Variants in BAAT observed in about 807,000 individuals in gnomAD.
BAAT encodes the protein bile acid-CoA:amino acid N-acyltransferase, also known as bile acid CoA: amino acid N-acyltransferase (glycine N-choloyltransferase).
BAAT carries 13 observed loss-of-function variants against 18.9 expected under a neutral mutation model. The observed-to-expected ratio is 0.69, with a 90% CI of 0.45 to 1.10. The LOEUF (loss-of-function observed/expected upper bound fraction) is 1.10. BAAT is among the 50% of genes least tolerant of loss of function. The pLI is 0.00. For synonymous variants in BAAT, 170 were observed against 190.7 expected (o/e 0.89, Z 0.89); for missense variants, 489 against 504.0 (o/e 0.97, Z 0.28).
chr9:101,376,639 A>C (rs1280014407), intron 1 of BAAT: 3 of 152,280 alleles, frequency 2.0e-5, no homozygotes, highest in Non-Finnish European at 2.9e-5. Context: ...TCAGCAGAGA[A>C]GGCCACAGTT....
intron 1 of BAAT, among the ~76,000 whole-genome samples, chr9:101,374,189 C>T (rs987259095): frequency 7.2e-5 from 11 of 152,112 alleles, no homozygotes; most frequent in Non-Finnish European, 1.6e-4. Flanking sequence ...TACACATGAC[C>T]TAAGTTTTGA....
chr9:101,383,708 G>A (rs1007072777), intron 1 of BAAT, among the ~76,000 whole-genome samples: 10 of 151,922 alleles, frequency 6.6e-5, no homozygotes, highest in Non-Finnish European at 1.3e-4. Context: ...CTCTAAATCC[G>A]TCCCTCTTAG....
At chr9:101,383,012 T>C (rs1478711750) in intron 1 of BAAT, among the ~76,000 whole-genome samples, 5 of 152,190 alleles carry the variant, frequency 3.3e-5, no homozygotes, top group African/African-American at 4.8e-5. Context: ...TAGTCTTACA[T>C]TAAAAGAAAA....
At chr9:101,368,738 G>C (rs1470041635) in intron 2 of BAAT, among the ~76,000 whole-genome samples, 1 of 152,032 alleles carries the variant, frequency 6.6e-6, no homozygotes, top group Non-Finnish European at 1.5e-5. Context: ...AACCTATAAA[G>C]AAGTATACAA....
intron 1 of BAAT, among the ~76,000 whole-genome samples, chr9:101,377,751 C>G (rs1319373113): frequency 6.6e-6 from 1 of 152,066 alleles, no homozygotes; most frequent in East Asian, 1.9e-4. Context: ...GAAGTTCTAG[C>G]CAGGGCAATA....
intron 3 of BAAT, among the ~76,000 whole-genome samples, chr9:101,365,652 T>C (rs1392837069): frequency 5.3e-5 from 8 of 152,188 alleles, no homozygotes; most frequent in Middle Eastern, 6.8e-3. Flanking sequence ...TTCTCTGGCC[T>C]CAGCCTCCCG....
chr9:101,381,927 G>A (rs1393486410), intron 1 of BAAT, among the ~76,000 whole-genome samples: 1 of 152,130 alleles, frequency 6.6e-6, no homozygotes, highest in Non-Finnish European at 1.5e-5. Context: ...AGTCAGAAAT[G>A]GAATCTACAT....
intron 1 of BAAT, among the ~76,000 whole-genome samples, chr9:101,377,623 T>C (rs1197057661): frequency 6.6e-6 from 1 of 152,166 alleles, no homozygotes; most frequent in Non-Finnish European, 1.5e-5. Context: ...ATAAGAGCTA[T>C]TTATGACAAA....
chr9:101,383,106 G>C (rs146635685), intron 1 of BAAT, among the ~76,000 whole-genome samples: 186 of 152,258 alleles, frequency 1.2e-3, no homozygotes, highest in African/African-American at 4.4e-3. Context: ...CTAGGCAATA[G>C]TCTTTTAAAA....
chr9:101,379,244 G>A (rs914066213), intron 1 of BAAT, among the ~76,000 whole-genome samples: 8 of 152,112 alleles, frequency 5.3e-5, no homozygotes, highest in Non-Finnish European at 7.4e-5. Context: ...CAGGTGATCC[G>A]CCTGCCTCAG....
chr9:101,362,388 A>C lies in BAAT; in HGVS notation c.*40T>G. 13 of 1,592,796 alleles carry C rather than the reference A, an allele frequency of 8.2e-6. No individual in the cohort carries two copies. Among genetic ancestry groups the C allele is most frequent in the East Asian group, 2.2e-5 (1 of 44,694 alleles). On this transcript the variant is annotated 3_prime_UTR_variant, in exon 4 of 4. Transcript: ENST00000259407. The stretch of plus-strand genomic sequence containing the variant: ...GAAAATTGAGAGAAGGTCCCGGTAA[A>C]GAGATTTGCTTCTTTATTTTCTAGG...
rs1201475521 is a variant in BAAT at position 101,368,328 on chromosome 9, A to G, written c.467-6T>C. 1.9e-6 allele frequency: 3 copies of G among 1,610,778 alleles called. No homozygotes were observed. The highest frequency in any genetic ancestry group is 2.5e-6 in the Non-Finnish European group (3 of 1,179,200). Reference sequence around the variant, plus strand: ...CCCTGGGAAGAGACCCTCTCCTGAAAAATAACAAAACAGAATTGTACATGA... The same window carrying G: ...CCCTGGGAAGAGACCCTCTCCTGAAGAATAACAAAACAGAATTGTACATGA... On this transcript the variant is annotated splice_polypyrimidine_tract_variant and splice_region_variant and intron_variant, in intron 2 of 3. Transcript: ENST00000259407.
chr9:101,362,195 T>G lies in BAAT; in HGVS notation c.*233A>C. On this transcript the variant is annotated 3_prime_UTR_variant, in exon 4 of 4. Coordinates refer to ENST00000259407, the MANE Select transcript of BAAT (RefSeq NM_001701.4). ...GAAGACCTGATGGAAAGAAAAGTCA[T>G]GTAAATAATAAGTAAAATGATTTGT... 1.6e-6 allele frequency: 1 copy of G among 606,902 alleles called. No homozygotes were observed. The highest frequency in any genetic ancestry group is 3.0e-5 in the Admixed American group (1 of 33,882). 37.6% of individuals were successfully genotyped at this position (606,902 alleles called of 1,614,324 possible).
rs564584347 is a variant in BAAT at position 101,371,523 on chromosome 9, T to A, written c.-59-60A>T. 238 of 1,064,750 alleles carry A rather than the reference T, an allele frequency of 2.2e-4. 2 individuals are homozygous for A. In the African/African-American group the frequency reaches 3.5e-3, roughly 16 times the overall value. 66.0% of individuals were successfully genotyped at this position (1,064,750 alleles called of 1,614,324 possible). ...AGTAGAGATAAGGGTTGATGAAAGG[T>A]GAATTGAATCAGCAGTCAGACCACT... On this transcript the variant is annotated intron_variant, in intron 1 of 3. Transcript: ENST00000259407.
At chr9:101,375,161 A>G (rs1175071553) in intron 1 of BAAT, among the ~76,000 whole-genome samples, 1 of 152,192 alleles carries the variant, frequency 6.6e-6, no homozygotes, top group East Asian at 1.9e-4. Context: ...GGTTTTATAC[A>G]TGGGAGTTCC....
rs528729376 is a variant in BAAT at position 101,362,690 on chromosome 9, T to C, written c.995A>G (p.Asn332Ser). ...GGCTTGTTCAGCGTGTGCTTTGCTGTTGATAGTCTTATCACCTTCTCCTAC... is the reference window on the plus strand; with the variant it reads ...GGCTTGTTCAGCGTGTGCTTTGCTGCTGATAGTCTTATCACCTTCTCCTAC... ...FIVGEGDKTI[N>S]SKAHAEQAIG... is the part of the protein sequence containing the mutation. The change falls in exon 4 of 4, where the codon AAC (asparagine) becomes AGC (serine). Residue 332 changes from asparagine to serine, a missense_variant. Physicochemically the swap from Asn to Ser is conservative, Grantham distance 46. Transcript: ENST00000259407. The C allele has an allele frequency of 1.9e-6, 3 of 1,614,228 alleles. No homozygotes were observed. Among genetic ancestry groups the C allele is most frequent in the South Asian group, 1.1e-5 (1 of 91,090 alleles).
intron 1 of BAAT, among the ~76,000 whole-genome samples, 192 bp downstream of exon 1, chr9:101,384,663 A>G (rs772138977): frequency 4.6e-5 from 7 of 152,234 alleles, no homozygotes; most frequent in Non-Finnish European, 8.8e-5. Context: ...TTATAAACAT[A>G]ATGTCGTTAG....
rs1174217122 is a variant in BAAT, at chr9:101,361,012, A to C, written c.*1416T>G. 1 of 174,228 alleles carries C rather than the reference A, an allele frequency of 5.7e-6. No individual in the cohort carries two copies. Among genetic ancestry groups the C allele is most frequent in the African/African-American group, 2.4e-5 (1 of 42,404 alleles). The allele number at this position is 174,228 out of a possible 1,614,324, so 10.8% of individuals were successfully genotyped here. On this transcript the variant is annotated 3_prime_UTR_variant, in exon 4 of 4. Coordinates refer to ENST00000259407, the MANE Select transcript of BAAT (RefSeq NM_001701.4). ...AGATCATGTTAGCAGCCAGTGTTGG[A>C]GTAAGACATGGATCTTGACCCTATG...
intron 1 of BAAT, among the ~76,000 whole-genome samples, chr9:101,379,355 G>T (rs1158401655): frequency 6.6e-6 from 1 of 152,168 alleles, no homozygotes; most frequent in Admixed American, 6.5e-5. Context: ...ATCTTTAGAA[G>T]AATTCACCCA....
Sources: gnomAD v4.1 joint callset for allele counts (sites outside exome capture counted in the v4.1 genomes callset) on GRCh38, gnomAD v4.1.1 for gene constraint, MANE v1.5 for transcripts, NCBI Gene and HGNC (gene_info 2026-07-23, HGNC 2026-07-21) for gene names.